CKM: variants seen among roughly 807,000 people sequenced by gnomAD.
CKM encodes creatine kinase M-type.
CKM carries 28 observed loss-of-function variants against 35.4 expected under a neutral mutation model. The ratio of observed to expected loss-of-function variants is 0.79; its 90% CI spans 0.59 to 1.08. The LOEUF (loss-of-function observed/expected upper bound fraction) is 1.08, where lower values mean the gene tolerates loss of function less well. CKM is among the 50% of genes least tolerant of loss of function. The pLI, the probability that CKM is intolerant of heterozygous loss-of-function variation, is 0.00. For synonymous variants in CKM, 215 were observed against 204.4 expected (o/e 1.05, Z -0.44); for missense variants, 484 against 509.8 (o/e 0.95, Z 0.49).
At chr19:45,319,428 C>G in intron 2 of CKM, 93 bp downstream of exon 2, 1 of 983,982 alleles carries the variant, frequency 1.0e-6, no homozygotes, top group Admixed American at 2.1e-5. Flanking sequence ...AAACTGAGGC[C>G]CCCCCCCCTT....
chr19:45,308,800 GT>G (rs17875655), intron 5 of CKM, among the ~76,000 whole-genome samples: 3 of 152,212 alleles, frequency 2.0e-5, no homozygotes, highest in Non-Finnish European at 4.4e-5. Context: ...ATCTCAGGAT[GT>G]TTGACAAACA....
At chr19:45,307,054 A>G (rs1410778531) in intron 7 of CKM, 126 bp from the exon 8 acceptor site, 1 of 888,568 alleles carries the variant, frequency 1.1e-6, no homozygotes, top group African/African-American at 1.6e-5. Context: ...TTACCTGCAC[A>G]CAGGTAATGC....
chr19:45,321,762 C>T (rs17875644), intron 1 of CKM, among the ~76,000 whole-genome samples: 10,378 of 152,074 alleles, frequency 0.068, 485 homozygotes, highest in Non-Finnish European at 0.089. Context: ...CCAGGTCCTA[C>T]TGTTATTATT....
At chr19:45,308,681 G>A (rs1322773275) in intron 5 of CKM, 149 bp from the exon 6 acceptor site, 2 of 953,762 alleles carry the variant, frequency 2.1e-6, no homozygotes, top group Non-Finnish European at 3.3e-6. Context: ...AAACGCAGAA[G>A]CTTAAACCTG....
chr19:45,315,669 A>C, intron 3 of CKM, 72 bp from the exon 4 acceptor site: 3 of 1,569,776 alleles, frequency 1.9e-6, no homozygotes, highest in Non-Finnish European at 2.6e-6. Flanking sequence ...TCTCCCCCAG[A>C]TGCTCCCCTC....
rs11559023 is a variant in CKM at position 45,317,957 on chromosome 19, C to T, written c.216G>A (p.Val72=). ...DNPGHPFIMT[V]GCVAGDEESY... ...ACTCCTCATCACCAGCCACGCAGCC[C>T]ACGGTCATGATGAAGGGGTGACCTG... Residue 72 remains valine, a synonymous_variant, in exon 3 of 8, where the codon GTG becomes GTA. Transcript: ENST00000221476. The T allele has an allele frequency of 1.7e-4, 280 of 1,613,942 alleles. No homozygotes were observed. The African/African-American group carries it at 1.8e-3, about 10-fold the overall frequency.
chr19:45,311,288 C>T (rs970705342), intron 5 of CKM, among the ~76,000 whole-genome samples: 1 of 150,940 alleles, frequency 6.6e-6, no homozygotes, highest in African/African-American at 2.5e-5. Context: ...GGCTGGAGTG[C>T]AGTGGCACGA....
chr19:45,307,681 C>T (rs758348088), intron 6 of CKM, 31 bp from the exon 7 acceptor site: 9 of 1,596,718 alleles, frequency 5.6e-6, no homozygotes, highest in African/African-American at 4.0e-5. Context: ...CAGGGGTCAG[C>T]GCCGGCAGGC....
intron 4 of CKM, among the ~76,000 whole-genome samples, chr19:45,315,230 G>T (rs1971145235): frequency 1.3e-5 from 2 of 152,212 alleles, no homozygotes; most frequent in Admixed American, 1.3e-4. Context: ...GACGCTGGGG[G>T]CAGCCAGGTG....
chr19:45,311,628 G>T, intron 5 of CKM, 121 bp downstream of exon 5: 1 of 820,356 alleles, frequency 1.2e-6, no homozygotes, highest in Non-Finnish European at 1.9e-6. Flanking sequence ...CATTTTCCGT[G>T]GCATTTAGAA....
rs1971208699 is a variant in CKM at position 45,321,025 on chromosome 19, T to C, written c.-18-1294A>G. 2.0e-5 allele frequency among the ~76,000 whole-genome samples: 3 copies of C among 151,718 alleles called. No individual in the cohort carries two copies. The South Asian group carries it at 6.2e-4, about 32-fold the overall frequency. ...AAGCAACTATCCTGCTTCAGCCTCC[T>C]GAGTAGCTGCAACTACAGGCGTGTG... is the stretch of plus-strand genomic sequence containing the variant. On this transcript the variant is annotated intron_variant, in intron 1 of 7. Transcript: ENST00000221476.
At chr19:45,312,771 T>A (rs1971122102) in intron 4 of CKM, among the ~76,000 whole-genome samples, 1 of 151,852 alleles carries the variant, frequency 6.6e-6, no homozygotes, top group Non-Finnish European at 1.5e-5. Context: ...CTGGCCAACA[T>A]GGTGAAACCC....
Position 45,306,848 on chromosome 19 carries a change from C to T in CKM, c.1048G>A (p.Val350Met). ...DRLGSSEVEQ[V>M]QLVVDGVKLM... ...TTCACACCATCCACCACCAGCTGCA[C>T]CTGTTCTACTTCGGACGAGCCCAGC... The change falls in exon 8 of 8, where the codon GTG becomes ATG. Residue 350 changes from valine to methionine, a missense_variant. Val to Met is a conservative substitution (Grantham distance 21). Transcript: ENST00000221476. The surrounding 1 kb of genome is among the most constrained non-coding windows in gnomAD (Gnocchi z 4.5). 1 of 1,614,218 alleles carries T rather than the reference C, an allele frequency of 6.2e-7. No homozygotes were observed. The highest frequency in any genetic ancestry group is 8.5e-7 in the Non-Finnish European group (1 of 1,180,040).
chr19:45,313,083 A>ATG (rs1971125257), intron 4 of CKM, among the ~76,000 whole-genome samples: 2 of 152,160 alleles, frequency 1.3e-5, no homozygotes, highest in African/African-American at 4.8e-5. Flanking sequence ...ACATATTCAT[A>ATG]TAATATACAG....
At chr19:45,320,338 C>A (rs1403768497) in intron 1 of CKM, among the ~76,000 whole-genome samples, 3 of 152,058 alleles carry the variant, frequency 2.0e-5, no homozygotes, top group Admixed American at 6.6e-5. Flanking sequence ...CTCAAGTGAT[C>A]CACCCGCCTC....
rs1599812976 is a variant in CKM, at chr19:45,306,819, G to A, written c.1077C>T (p.Leu359=). ...CCAACTTCTTCTCCATTTCCACCAT[G>A]AGCTTCACACCATCCACCACCAGCT... ...QVQLVVDGVK[L]MVEMEKKLEK... Residue 359 remains leucine (L), a synonymous_variant, in exon 8 of 8, where the codon CTC becomes CTT. Transcript: ENST00000221476. The surrounding 1 kb of genome is among the most constrained non-coding windows in gnomAD (Gnocchi z 4.5). The A allele has an allele frequency of 1.9e-6, 3 of 1,614,068 alleles. No homozygotes were observed. Among genetic ancestry groups the A allele is most frequent in the African/African-American group, 2.7e-5 (2 of 74,922 alleles).
chr19:45,308,087 C>A (rs1971071730), intron 6 of CKM, among the ~76,000 whole-genome samples: 1 of 152,084 alleles, frequency 6.6e-6, no homozygotes, highest in African/African-American at 2.4e-5. Context: ...GTTGGCCAGG[C>A]TGGTCTTGAA....
Position 45,311,823 on chromosome 19 carries a change from C to T in CKM, c.579G>A (p.Leu193=), listed in dbSNP as rs1971112978. ...EQQQLIDDHF[L]FDKPVSPLLL... is the part of the protein sequence containing the mutation. ...GCAGCGGGGACACGGGCTTGTCGAA[C>T]AGGAAGTGGTCATCGATGAGCTGCT... Residue 193 remains leucine, a synonymous_variant, in exon 5 of 8, where the codon CTG becomes CTA. Transcript: ENST00000221476. The T allele has an allele frequency of 6.2e-7, 1 of 1,613,010 alleles. No individual in the cohort carries two copies. The highest frequency in any genetic ancestry group is 8.5e-7 in the Non-Finnish European group (1 of 1,179,638).
intron 1 of CKM, among the ~76,000 whole-genome samples, chr19:45,321,334 G>T (rs1368468651): frequency 6.6e-6 from 1 of 152,068 alleles, no homozygotes; most frequent in Non-Finnish European, 1.5e-5. Context: ...GGGAGGGCTG[G>T]GTAGCTGCCC....
Sources: gnomAD v4.1 joint callset for allele counts (sites outside exome capture counted in the v4.1 genomes callset) on GRCh38, gnomAD v4.1.1 for gene constraint, Gnocchi (gnomAD v3.1) non-coding constraint, MANE v1.5 for transcripts, NCBI Gene and HGNC (gene_info 2026-07-23, HGNC 2026-07-21) for gene names.